DAB2IP: variants seen among roughly 807,000 people sequenced by gnomAD.
DAB2IP encodes the protein DAB2 interacting protein.
In DAB2IP, 28 loss-of-function variants were observed where a neutral mutation model predicts 107.2. The ratio of observed to expected loss-of-function variants is 0.26; its 90% CI spans 0.19 to 0.36. The LOEUF (loss-of-function observed/expected upper bound fraction) is 0.36, where lower values mean the gene tolerates loss of function less well. Ranked by LOEUF, DAB2IP falls within the 10% of genes least tolerant of loss-of-function variation. The pLI is 1.00. For synonymous variants in DAB2IP, 755 were observed against 706.4 expected, an observed-to-expected ratio of 1.07 and a Z score of -1.09; for missense variants, 1,400 against 1,644.7, an observed-to-expected ratio of 0.85 and a Z score of 2.57.
intron 3 of DAB2IP, chr9:121,737,314 G>A (rs1490853238): frequency 1.0e-6 from 1 of 985,346 alleles, no homozygotes; most frequent in Non-Finnish European, 1.2e-6. Context: ...CATGGAAGAC[G>A]GTAATTTTCC....
intron 1 of DAB2IP, among the ~76,000 whole-genome samples, chr9:121,577,130 G>A (rs572939659): frequency 3.9e-5 from 6 of 152,322 alleles, no homozygotes; most frequent in South Asian, 2.1e-4. Flanking sequence ...TGTAGACTCC[G>A]CATCGCCCAG....
intron 3 of DAB2IP, chr9:121,751,938 A>C: frequency 2.0e-6 from 2 of 985,314 alleles, no homozygotes; most frequent in East Asian, 1.1e-4. Context: ...TCATGGTGCC[A>C]CCTCCTTCCT....
chr9:121,694,881 C>T (rs1023402057), intron 2 of DAB2IP, among the ~76,000 whole-genome samples: 6 of 152,164 alleles, frequency 3.9e-5, no homozygotes, highest in African/African-American at 1.4e-4. Context: ...GTGCAAAAGC[C>T]CTGGGGCCTT....
At chr9:121,583,314 C>A (rs971525784) in intron 1 of DAB2IP, among the ~76,000 whole-genome samples, 1 of 152,088 alleles carries the variant, frequency 6.6e-6, no homozygotes, top group Non-Finnish European at 1.5e-5. Flanking sequence ...TTGCTTGAAC[C>A]TGGGAAATGG....
upstream of DAB2IP, among the ~76,000 whole-genome samples, chr9:121,648,786 C>T (rs887563644): frequency 6.6e-6 from 1 of 152,118 alleles, no homozygotes; most frequent in African/African-American, 2.4e-5. Context: ...TAAGACCAGA[C>T]CTTTAGCCCT....
intron 1 of DAB2IP, among the ~76,000 whole-genome samples, chr9:121,569,557 T>C (rs1461231362): frequency 1.3e-5 from 2 of 152,236 alleles, no homozygotes; most frequent in African/African-American, 4.8e-5. Flanking sequence ...CAGTGGCTCA[T>C]GCCTGAAATC....
intron 1 of DAB2IP, among the ~76,000 whole-genome samples, chr9:121,604,471 GGC>G (rs989190112): frequency 1.3e-5 from 2 of 152,160 alleles, no homozygotes; most frequent in African/African-American, 4.8e-5. Flanking sequence ...CAAGCTCCCT[GGC>G]CTGGCAAACA....
At chr9:121,693,215 G>A (rs1285688313) in intron 2 of DAB2IP, among the ~76,000 whole-genome samples, 1 of 152,220 alleles carries the variant, frequency 6.6e-6, no homozygotes, top group Non-Finnish European at 1.5e-5. Flanking sequence ...AGGTCCCACT[G>A]CCCTCTGGGC....
intron 1 of DAB2IP, among the ~76,000 whole-genome samples, chr9:121,568,786 C>T (rs1479621197): frequency 2.0e-5 from 3 of 152,196 alleles, no homozygotes; most frequent in Non-Finnish European, 2.9e-5. Flanking sequence ...GGACCAGCCC[C>T]AGCCAGGGAT....
chr9:121,741,840 T>C (rs1264810281), intron 3 of DAB2IP, among the ~76,000 whole-genome samples: 5 of 150,788 alleles, frequency 3.3e-5, no homozygotes, highest in Non-Finnish European at 7.4e-5. Context: ...CTGTATCCTC[T>C]CGGCAATCCT....
intron 2 of DAB2IP, among the ~76,000 whole-genome samples, chr9:121,694,066 G>A (rs538975137): frequency 2.1e-3 from 320 of 152,296 alleles, no homozygotes; most frequent in African/African-American, 7.4e-3. Flanking sequence ...GGGAGCCCCT[G>A]TGGGACAGCT....
intron 2 of DAB2IP, 74 bp downstream of exon 2, chr9:121,678,855 C>T: frequency 2.3e-6 from 3 of 1,315,522 alleles, no homozygotes; most frequent in Non-Finnish European, 2.0e-6. Flanking sequence ...TGCTCTGTGA[C>T]CCCACGGCCC....
chr9:121,588,897 CA>C (rs1450565986), intron 1 of DAB2IP, among the ~76,000 whole-genome samples: 1 of 151,858 alleles, frequency 6.6e-6, no homozygotes, highest in Non-Finnish European at 1.5e-5. Context: ...CTACTTCTAG[CA>C]GCCTCCCCAT....
Position 121,582,145 on chromosome 9 carries a change from G to A in DAB2IP, c.40+14917G>A, listed in dbSNP as rs573544442. ...GGATTCAGATAGAAAGGGCTGAAAGGGGGTTGGAAGCTAATGTGCCTGAGC... is the reference window on the plus strand; with the variant it reads ...GGATTCAGATAGAAAGGGCTGAAAGAGGGTTGGAAGCTAATGTGCCTGAGC... On this transcript the variant is annotated intron_variant, in intron 1 of 16. Coordinates refer to the DAB2IP transcript ENST00000259371. 1.8e-3 allele frequency among the ~76,000 whole-genome samples: 267 copies of A among 152,338 alleles called. 1 individual carries two copies. Among genetic ancestry groups the A allele is most frequent in the Non-Finnish European group, 3.2e-3 (220 of 68,024 alleles).
At chr9:121,669,428 C>T (rs1358857946) in intron 1 of DAB2IP, among the ~76,000 whole-genome samples, 2 of 152,044 alleles carry the variant, frequency 1.3e-5, no homozygotes, top group Non-Finnish European at 2.9e-5. Flanking sequence ...ATTTATTACT[C>T]ATTGCAGTGA....
intron 2 of DAB2IP, among the ~76,000 whole-genome samples, chr9:121,683,294 T>C (rs1828688990): frequency 6.6e-6 from 1 of 152,124 alleles, no homozygotes; most frequent in Admixed American, 6.5e-5. Context: ...TGATGACTCT[T>C]CCTGGTCTCC....
intron 1 of DAB2IP, among the ~76,000 whole-genome samples, chr9:121,606,145 C>T (rs951391715): frequency 1.3e-5 from 2 of 152,032 alleles, no homozygotes; most frequent in African/African-American, 2.4e-5. Flanking sequence ...AGTTCAAGAC[C>T]AGCCTGGTCA....
chr9:121,705,533 GTT>G, intron 3 of DAB2IP, among the ~76,000 whole-genome samples: 1 of 152,226 alleles, frequency 6.6e-6, no homozygotes, highest in Non-Finnish European at 1.5e-5. Context: ...TCTGCCAGTT[GTT>G]TGTACATGTC....
At chr9:121,706,238 C>G (rs1466508256) in intron 3 of DAB2IP, among the ~76,000 whole-genome samples, 1 of 152,178 alleles carries the variant, frequency 6.6e-6, no homozygotes, top group Non-Finnish European at 1.5e-5. Flanking sequence ...CAAGCCTGGG[C>G]TGAGGTGGGG....
Sources: allele counts gnomAD v4.1 joint callset (sites outside exome capture counted in the v4.1 genomes callset), GRCh38; gene constraint gnomAD v4.1.1; transcripts MANE v1.5; gene names NCBI Gene and HGNC (gene_info 2026-07-23, HGNC 2026-07-21).